Variants in CENPF observed in about 807,000 individuals in gnomAD.
CENPF encodes AH antigen.
Under a neutral mutation model 307.3 loss-of-function variants are expected in CENPF, and 214 were observed. The observed-to-expected ratio is 0.70, with a 90% CI of 0.62 to 0.78. The LOEUF (loss-of-function observed/expected upper bound fraction) is 0.78. CENPF is among the 30% of genes least tolerant of loss of function. CENPF has a pLI of 0.00. For missense variants in CENPF, 3,401 were observed against 3,483.9 expected (o/e 0.98, Z 0.60); for synonymous variants, 1,259 against 1,270.6 (o/e 0.99, Z 0.19).
rs769704125 is a variant in CENPF, at chr1:214,651,711, A to G, written c.7985A>G (p.Asp2662Gly). The G allele has an allele frequency of 2.5e-6, 4 of 1,574,766 alleles. No individual in the cohort carries two copies. The African/African-American group carries it at 5.5e-5, about 22-fold the overall frequency. ...LLLEEIKSSKDQLKELTLENS... is the reference protein window; with the variant it reads ...LLLEEIKSSKGQLKELTLENS... Reference sequence around the variant, plus strand: ...TGATTTTATTATTTTTCTGTTTAGGATCAATTGAAGGAGCTCACACTAGAA... The same window carrying G: ...TGATTTTATTATTTTTCTGTTTAGGGTCAATTGAAGGAGCTCACACTAGAA... The change falls in exon 15 of 20, where the codon GAT becomes GGT. Residue 2662 changes from aspartate (D) to glycine (G), a missense_variant and splice_region_variant. Coordinates refer to ENST00000366955, the MANE Select transcript of CENPF (RefSeq NM_016343.4).
Position 214,613,836 on chromosome 1 carries a change from G to C in CENPF, c.82G>C (p.Asp28His). The stretch of plus-strand genomic sequence containing the variant: ...AATTCAAGAGCTTGAAGGACAGCTT[G>C]ACAAACTGAAGAAGGAAAAGCAGCA... Reference protein sequence around the residue: ...QKIQELEGQLDKLKKEKQQRQ... With the variant: ...QKIQELEGQLHKLKKEKQQRQ... The change falls in exon 2 of 20, where the codon GAC becomes CAC. Residue 28 changes from aspartate to histidine, a missense_variant. Physicochemically the swap from Asp to His is moderately conservative, Grantham distance 81 (BLOSUM62 -1). Transcript: ENST00000366955. 5 of 1,613,962 alleles carry C rather than the reference G, an allele frequency of 3.1e-6. No homozygotes were observed. The highest frequency in any genetic ancestry group is 4.2e-6 in the Non-Finnish European group (5 of 1,179,930).
chr1:214,637,839 T>C, intron 10 of CENPF, 27 bp from the exon 11 acceptor site: 1 of 1,598,642 alleles, frequency 6.3e-7, no homozygotes. Context: ...TCGTTTTGGC[T>C]ATAACCAATT....
At chr1:214,619,346 A>G in intron 5 of CENPF, 126 bp downstream of exon 5, 1 of 529,100 alleles carries the variant, frequency 1.9e-6, no homozygotes, top group Admixed American at 3.8e-5. Flanking sequence ...GTGTGCTGAG[A>G]AAAGGTTTTG....
chr1:214,620,899 A>C lies in CENPF; in HGVS notation c.818A>C (p.Asn273Thr), dbSNP rs1234879726. The change falls in exon 6 of 20, where the codon AAT (asparagine) becomes ACT (threonine). Residue 273 changes from asparagine (N) to threonine (T), a missense_variant. By Grantham distance (65) the Asn-to-Thr change is moderately conservative. Transcript: ENST00000366955. ...KRDANSSFFDNSSSPHLLDQL... is the reference protein window; with the variant it reads ...KRDANSSFFDTSSSPHLLDQL... Reference sequence around the variant, plus strand: ...GATGCTAATAGCAGTTTCTTTGACAATTCTAGCAGTCCTCATCTTTTGGAT... The same window carrying C: ...GATGCTAATAGCAGTTTCTTTGACACTTCTAGCAGTCCTCATCTTTTGGAT... 6.2e-7 allele frequency: 1 copy of C among 1,613,916 alleles called. No homozygotes were observed. The highest frequency in any genetic ancestry group is 2.2e-5 in the East Asian group (1 of 44,886).
At position 214,614,945 on chromosome 1, in the gene CENPF, C is replaced by A. The variant is rs2102531398; in HGVS notation, c.276C>A (p.Val92=). The change falls in exon 3 of 20, where the codon GTC becomes GTA. Residue 92 remains valine (V), a synonymous_variant. Coordinates refer to ENST00000366955, the MANE Select transcript of CENPF (RefSeq NM_016343.4). ...AGAAGATTTCTCATGAACTTCAAGTCAAGGAGTCACAAGTGAATTTCCAGG... is the reference window on the plus strand; with the variant it reads ...AGAAGATTTCTCATGAACTTCAAGTAAAGGAGTCACAAGTGAATTTCCAGG... The part of the protein sequence containing the change: ...TKQKISHELQ[V]KESQVNFQEG... 3 of 1,611,104 alleles carry A rather than the reference C, an allele frequency of 1.9e-6. No individual in the cohort carries two copies. Among genetic ancestry groups the A allele is most frequent in the South Asian group, 2.2e-5 (2 of 90,198 alleles).
chr1:214,650,780 G>A (rs1294600896), intron 14 of CENPF, among the ~76,000 whole-genome samples: 1 of 152,044 alleles, frequency 6.6e-6, no homozygotes, highest in Non-Finnish European at 1.5e-5. Flanking sequence ...GCACATACTT[G>A]GGAGGCTGAG....
At chr1:214,621,185 T>C (rs890815412) in intron 6 of CENPF, among the ~76,000 whole-genome samples, 4 of 152,186 alleles carry the variant, frequency 2.6e-5, no homozygotes, top group African/African-American at 9.7e-5. Flanking sequence ...CTAAAGTACG[T>C]TGAGAGGCTT....
rs80220869 is a variant in CENPF at position 214,621,183 on chromosome 1, C to G, written c.865+237C>G. On this transcript the variant is annotated intron_variant, in intron 6 of 19. Transcript: ENST00000366955. ...CTGGTGCCTGGAAGCCTCTAAAGTA[C>G]GTTGAGAGGCTTTGATTTATCTTTC... Among the ~76,000 whole-genome samples, 5,296 of 152,210 alleles carry G rather than the reference C, an allele frequency of 0.035. 324 individuals carry two copies. The highest frequency in any genetic ancestry group is 0.12 in the African/African-American group (4,962 of 41,500).
In CENPF at chr1:214,647,236, T is replaced by G. The variant is rs1049409158; in HGVS notation, c.7666T>G (p.Leu2556Val). 1 of 1,614,034 alleles carries G rather than the reference T, an allele frequency of 6.2e-7. No individual in the cohort carries two copies. The highest frequency in any genetic ancestry group is 8.5e-7 in the Non-Finnish European group (1 of 1,179,956). The change falls in exon 13 of 20, where the codon TTA becomes GTA. Residue 2556 changes from leucine (L) to valine (V), a missense_variant. Leu to Val is a conservative substitution (Grantham distance 32). Coordinates refer to ENST00000366955, the MANE Select transcript of CENPF (RefSeq NM_016343.4). ...GEHQLWKEQN[L>V]ELRNLTVELE... ...GCACCAACTTTGGAAGGAGCAAAAC[T>G]TAGAACTGAGAAATCTGACAGTGGA...
intron 16 of CENPF, among the ~76,000 whole-genome samples, chr1:214,654,982 G>A (rs1057424403): frequency 1.2e-4 from 18 of 152,082 alleles, no homozygotes; most frequent in African/African-American, 4.3e-4. Context: ...AGACATAGTG[G>A]GCACTTAATA....
At chr1:214,662,719 A>G (rs188957453) in intron 19 of CENPF, among the ~76,000 whole-genome samples, 3 of 151,716 alleles carry the variant, frequency 2.0e-5, no homozygotes, top group Non-Finnish European at 4.4e-5. Context: ...AAGCTTTCCT[A>G]TACTTCATTT....
At chr1:214,616,562 T>C (rs1657343446) in intron 3 of CENPF, among the ~76,000 whole-genome samples, 1 of 152,114 alleles carries the variant, frequency 6.6e-6, no homozygotes. Context: ...TTCCTATTAA[T>C]TACAAGTTGA....
At chr1:214,622,531 A>T (rs1167709738) in intron 7 of CENPF, among the ~76,000 whole-genome samples, 1 of 152,198 alleles carries the variant, frequency 6.6e-6, no homozygotes, top group African/African-American at 2.4e-5. Context: ...GCAGGGGGTA[A>T]TAGAGAATAA....
In CENPF at chr1:214,643,293, C is replaced by T. The variant is rs1272946433; in HGVS notation, c.4955C>T (p.Ser1652Phe). 8 of 1,513,732 alleles carry T rather than the reference C, an allele frequency of 5.3e-6. No homozygotes were observed. The highest frequency in any genetic ancestry group is 7.0e-6 in the Non-Finnish European group (8 of 1,135,144). The allele number at this position is 1,513,732 out of a possible 1,614,324, so 93.8% of individuals were successfully genotyped here. A position where few individuals can be genotyped will look rare whatever the true frequency, so the allele number is the denominator to read the frequency against. ...CAGCTACAAGGTCTGGACTTAAGTT[C>T]TCGGTCTTTGCTTGGCATCGACACA... The part of the protein sequence containing the change: ...RLQLQGLDLS[S>F]RSLLGIDTED... Residue 1652 changes from serine to phenylalanine, a missense_variant, in exon 12 of 20, where the codon TCT becomes TTT. By Grantham distance (155) the Ser-to-Phe change is radical. Transcript: ENST00000366955.
At chr1:214,609,388 C>A (rs1657139992) in intron 1 of CENPF, among the ~76,000 whole-genome samples, 1 of 152,060 alleles carries the variant, frequency 6.6e-6, no homozygotes, top group South Asian at 2.1e-4. Context: ...GCTACCTGTG[C>A]TGTGAGTAAC....
chr1:214,618,020 C>G (rs1571698214), intron 3 of CENPF, among the ~76,000 whole-genome samples: 1 of 152,286 alleles, frequency 6.6e-6, no homozygotes, highest in Admixed American at 6.5e-5. Context: ...GGGAAACTTA[C>G]AATCATAGCG....
intron 3 of CENPF, among the ~76,000 whole-genome samples, chr1:214,616,986 C>G (rs924775145): frequency 6.5e-5 from 9 of 139,048 alleles, no homozygotes; most frequent in Non-Finnish European, 1.3e-4. Flanking sequence ...CCCTCCCTCC[C>G]TCTCTCTCTT....
chr1:214,652,091 TGGGGTC>T (rs1250375140), intron 15 of CENPF, among the ~76,000 whole-genome samples: 1 of 144,758 alleles, frequency 6.9e-6, no homozygotes, highest in Non-Finnish European at 1.5e-5. Context: ...TTTTTTGAGA[TGGGGTC>T]TCTCTCTGTC....
At position 214,647,055 on chromosome 1, in the gene CENPF, TTA is replaced by T. The variant is rs767931537; in HGVS notation, c.7489_7490del (p.Ile2497CysfsTer25). ...LQGLDEAKNN[Y>X]IVLQSSVNGL... ...AAGGCCTTGATGAGGCCAAAAATAA[TTA>T]TATTGTTTTGCAATCTTCAGTGAAT... On this transcript the variant is annotated frameshift_variant, in exon 13 of 20. Transcript: ENST00000366955. LOFTEE classifies it high-confidence loss of function. 6.2e-7 allele frequency: 1 copy of T among 1,614,018 alleles called. No homozygotes were observed. The highest frequency in any genetic ancestry group is 8.5e-7 in the Non-Finnish European group (1 of 1,179,984).
Sources: allele counts gnomAD v4.1 joint callset (sites outside exome capture counted in the v4.1 genomes callset), GRCh38; gene constraint gnomAD v4.1.1; transcripts MANE v1.5; gene names NCBI Gene and HGNC (gene_info 2026-07-23, HGNC 2026-07-21).